The following CACNG2 variants were observed in gnomAD, a reference collection of about 807,000 sequenced individuals.
CACNG2 encodes the protein calcium voltage-gated channel auxiliary subunit gamma 2, also known as voltage-dependent calcium channel gamma-2 subunit.
In CACNG2, 3 loss-of-function variants were observed where a neutral mutation model predicts 25.9. That is an observed-to-expected ratio of 0.12 (90% CI 0.05 to 0.30). CACNG2 has a LOEUF of 0.30. Among genes scored for constraint, CACNG2 ranks in the 10% least tolerant of loss-of-function variants. CACNG2 has a pLI of 1.00. For synonymous variants in CACNG2, 167 were observed against 173.3 expected (o/e 0.96, Z 0.29); for missense variants, 341 against 432.5 (o/e 0.79, Z 1.88).
intron 1 of CACNG2, among the ~76,000 whole-genome samples, chr22:36,695,981 T>C (rs1937334926): frequency 6.6e-6 from 1 of 152,232 alleles, no homozygotes; most frequent in Admixed American, 6.5e-5. Context: ...CAATGCCTAT[T>C]GCGTTTGAAT....
chr22:36,622,882 C>T (rs901144670), intron 1 of CACNG2, among the ~76,000 whole-genome samples: 1 of 151,446 alleles, frequency 6.6e-6, no homozygotes, highest in Non-Finnish European at 1.5e-5. Flanking sequence ...TCGCTTGAAC[C>T]CGGGAGGCAG....
chr22:36,636,912 A>G (rs933444017), intron 1 of CACNG2, among the ~76,000 whole-genome samples: 5 of 152,240 alleles, frequency 3.3e-5, no homozygotes, highest in South Asian at 2.1e-4. Flanking sequence ...GAATCTGACC[A>G]GTTAAAAGTG....
At chr22:36,690,371 A>G (rs141768204) in intron 1 of CACNG2, among the ~76,000 whole-genome samples, 6 of 152,298 alleles carry the variant, frequency 3.9e-5, no homozygotes, top group South Asian at 2.1e-4. Flanking sequence ...TTTCCCCCCA[A>G]GGAACCAAAA....
At chr22:36,652,044 T>G (rs1475174576) in intron 1 of CACNG2, among the ~76,000 whole-genome samples, 2 of 152,144 alleles carry the variant, frequency 1.3e-5, no homozygotes, top group Non-Finnish European at 2.9e-5. Flanking sequence ...TTTTGTATTT[T>G]TAGTAGAGAT....
chr22:36,695,045 A>T (rs1227286828), intron 1 of CACNG2, among the ~76,000 whole-genome samples: 1 of 152,074 alleles, frequency 6.6e-6, no homozygotes, highest in South Asian at 2.1e-4. Context: ...GTGACACCTC[A>T]TCTCTACAAG....
chr22:36,584,392 T>G (rs558273269), intron 2 of CACNG2: 1 of 152,440 alleles, frequency 6.6e-6, no homozygotes, highest in African/African-American at 2.4e-5. Context: ...AAGCAGAGGT[T>G]TGGCATTACT....
intron 1 of CACNG2, among the ~76,000 whole-genome samples, chr22:36,660,877 T>C (rs966695264): frequency 2.9e-4 from 44 of 152,366 alleles, no homozygotes; most frequent in African/African-American, 1.0e-3. Flanking sequence ...TTGGGATAAA[T>C]GACTTACTCT....
intron 2 of CACNG2, 29 bp downstream of exon 2, chr22:36,587,436 G>T: frequency 6.6e-7 from 1 of 1,516,114 alleles, no homozygotes; most frequent in Non-Finnish European, 9.2e-7. Context: ...ACCACCAGGA[G>T]GGAGATAAAA....
At chr22:36,643,525 C>CTATCTATCT (rs2145969021) in intron 1 of CACNG2, among the ~76,000 whole-genome samples, 1 of 128,426 alleles carries the variant, frequency 7.8e-6, no homozygotes, top group African/African-American at 3.1e-5. Flanking sequence ...TCTATCTATC[C>CTATCTATCT]ATCATGTGCA....
intron 2 of CACNG2, among the ~76,000 whole-genome samples, chr22:36,580,612 C>T (rs1399879524): frequency 6.6e-6 from 1 of 152,158 alleles, no homozygotes; most frequent in Admixed American, 6.6e-5. Flanking sequence ...GCCCTGGGCC[C>T]CTCACCCACA....
chr22:36,638,707 T>C (rs1036123509), intron 1 of CACNG2, among the ~76,000 whole-genome samples: 1 of 152,206 alleles, frequency 6.6e-6, no homozygotes, highest in Non-Finnish European at 1.5e-5. Context: ...TGACTGTTTT[T>C]AGTTTTTCTC....
intron 1 of CACNG2, among the ~76,000 whole-genome samples, chr22:36,631,812 A>C (rs1279485682): frequency 2.0e-5 from 3 of 151,270 alleles, no homozygotes; most frequent in African/African-American, 7.3e-5. Flanking sequence ...ATCTCAACAG[A>C]TATGAGGGCC....
intron 2 of CACNG2, among the ~76,000 whole-genome samples, chr22:36,585,800 A>C (rs1644414486): frequency 6.6e-6 from 1 of 152,250 alleles, no homozygotes; most frequent in Non-Finnish European, 1.5e-5. Flanking sequence ...CAGGGACACC[A>C]AAATGAACCA....
intron 2 of CACNG2, among the ~76,000 whole-genome samples, chr22:36,582,671 A>C (rs1159435251): frequency 6.6e-6 from 1 of 150,676 alleles, no homozygotes; most frequent in African/African-American, 2.4e-5. Flanking sequence ...GGCCTCCCAA[A>C]GTGCTGAGAT....
chr22:36,685,188 G>A (rs1397362944), intron 1 of CACNG2, among the ~76,000 whole-genome samples: 1 of 152,086 alleles, frequency 6.6e-6, no homozygotes, highest in Non-Finnish European at 1.5e-5. Flanking sequence ...GTCTCTCCCA[G>A]CCTGGGGGCG....
chr22:36,597,070 A>T (rs187636180), intron 1 of CACNG2, among the ~76,000 whole-genome samples: 15 of 152,188 alleles, frequency 9.9e-5, no homozygotes, highest in African/African-American at 3.6e-4. Flanking sequence ...TTGCTCAGGC[A>T]GGAGTGCAAT....
At chr22:36,636,679 T>TAG (rs1936362376) in intron 1 of CACNG2, among the ~76,000 whole-genome samples, 3 of 152,238 alleles carry the variant, frequency 2.0e-5, no homozygotes, top group African/African-American at 7.2e-5. Context: ...TCTCGTTTAT[T>TAG]TAACAAGTCT....
intron 1 of CACNG2, among the ~76,000 whole-genome samples, chr22:36,692,803 G>A (rs1937281778): frequency 6.6e-6 from 1 of 152,152 alleles, no homozygotes; most frequent in South Asian, 2.1e-4. Flanking sequence ...CAGTCTTACA[G>A]GGGAACTCAG....
chr22:36,639,126 G>A (rs1270401986), intron 1 of CACNG2, among the ~76,000 whole-genome samples: 2 of 152,206 alleles, frequency 1.3e-5, no homozygotes, highest in African/African-American at 4.8e-5. Context: ...TTACTCGTCT[G>A]TGTGACCTCG....
Sources: gnomAD v4.1 joint callset for allele counts (sites outside exome capture counted in the v4.1 genomes callset) on GRCh38, gnomAD v4.1.1 for gene constraint, MANE v1.5 for transcripts, NCBI Gene and HGNC (gene_info 2026-07-23, HGNC 2026-07-21) for gene names.